The following WASHC5 variants were observed in gnomAD, a reference collection of about 807,000 sequenced individuals.
WASHC5 encodes the protein WASH complex subunit strumpellin.
In WASHC5, 101 loss-of-function variants were observed where a neutral mutation model predicts 150.4. The ratio of observed to expected loss-of-function variants is 0.67; its 90% CI spans 0.57 to 0.79. The LOEUF (loss-of-function observed/expected upper bound fraction) is 0.79. Among genes scored for constraint, WASHC5 ranks in the 30% least tolerant of loss-of-function variants. The pLI, the probability that WASHC5 is intolerant of heterozygous loss-of-function variation, is 0.00. For synonymous variants in WASHC5, 467 were observed against 491.2 expected (o/e 0.95, Z 0.65); for missense variants, 1,195 against 1,396.3 (o/e 0.86, Z 2.30).
chr8:125,054,508 T>C (rs1816344198), intron 17 of WASHC5, among the ~76,000 whole-genome samples: 1 of 152,154 alleles, frequency 6.6e-6, no homozygotes, highest in Admixed American at 6.5e-5. Context: ...GACAGGAGCT[T>C]GCATGCCCCA....
In WASHC5 at chr8:125,056,766, T is replaced by G; in HGVS notation, c.1927A>C (p.Lys643Gln). 5.0e-6 allele frequency: 8 copies of G among 1,614,132 alleles called. No individual in the cohort carries two copies. Among genetic ancestry groups the G allele is most frequent in the Non-Finnish European group, 6.8e-6 (8 of 1,179,992 alleles). The change falls in exon 16 of 29, where the codon AAG (lysine) becomes CAG (glutamine). Residue 643 changes from lysine to glutamine, a missense_variant. Transcript: ENST00000318410. ...TCAATAATGTCGTGGGTCTGAAGCT[T>G]TATGATCTTTAGAAGAGATGTAAAC... ...SMFTSLLKII[K>Q]LQTHDIIEVP...
At chr8:125,033,064 T>C (rs1192581407) in intron 26 of WASHC5, among the ~76,000 whole-genome samples, 1 of 151,736 alleles carries the variant, frequency 6.6e-6, no homozygotes, top group Admixed American at 6.6e-5. Context: ...CCACTGCACC[T>C]GGCTCTACAC....
intron 24 of WASHC5, among the ~76,000 whole-genome samples, chr8:125,039,499 G>T (rs184538335): frequency 4.7e-4 from 72 of 152,166 alleles, no homozygotes; most frequent in Non-Finnish European, 1.9e-4. Flanking sequence ...TCTCTCACTC[G>T]CTCTCTCTAA....
chr8:125,049,679 A>G (rs1464595287), intron 18 of WASHC5, among the ~76,000 whole-genome samples: 14 of 152,098 alleles, frequency 9.2e-5, no homozygotes, highest in Admixed American at 7.2e-4. Context: ...AAACCCCATC[A>G]AAAATACAAA....
At chr8:125,025,198 A>G (rs1483959468) in intron 28 of WASHC5, among the ~76,000 whole-genome samples, 1 of 152,166 alleles carries the variant, frequency 6.6e-6, no homozygotes, top group Non-Finnish European at 1.5e-5. Flanking sequence ...GTTGGGTAGA[A>G]TGTAGAGGTA....
intron 26 of WASHC5, among the ~76,000 whole-genome samples, chr8:125,032,892 G>C (rs1185434424): frequency 6.6e-6 from 1 of 151,762 alleles, no homozygotes; most frequent in African/African-American, 2.4e-5. Context: ...TTTATGAAGT[G>C]AATGAGTATC....
Position 125,044,530 on chromosome 8 carries a change from G to A in WASHC5, c.2667+6C>T, listed in dbSNP as rs779314187. 6.8e-6 allele frequency: 11 copies of A among 1,613,646 alleles called. No homozygotes were observed. In the Middle Eastern group the frequency reaches 8.2e-4, roughly 121 times the overall value. ...AGAAAACAGGCATGAAAGTCAAAAG[G>A]CTCACCTGTAACTCTTTTACAATCA... On this transcript the variant is annotated splice_donor_region_variant and intron_variant, in intron 21 of 28. Coordinates refer to ENST00000318410, the MANE Select transcript of WASHC5 (RefSeq NM_014846.4).
chr8:125,049,303 A>C lies in WASHC5; in HGVS notation c.2200-118T>G. The C allele has an allele frequency of 7.7e-6, 8 of 1,045,688 alleles. 1 individual carries two copies. In the South Asian group the frequency reaches 1.1e-4, roughly 14 times the overall value. The allele number at this position is 1,045,688 out of a possible 1,614,324, so 64.8% of individuals were successfully genotyped here. A position where few individuals can be genotyped will look rare whatever the true frequency, so the allele number is the denominator to read the frequency against. On this transcript the variant is annotated intron_variant, in intron 18 of 28. Coordinates refer to ENST00000318410, the MANE Select transcript of WASHC5 (RefSeq NM_014846.4). The stretch of plus-strand genomic sequence containing the variant: ...GCCAGATGCGGTGGCTCCCACCTGT[A>C]ACCCCAGCACTTTGGGAGGCTTAGG...
At chr8:125,070,648 T>C (rs1337663372) in intron 9 of WASHC5, among the ~76,000 whole-genome samples, 1 of 152,230 alleles carries the variant, frequency 6.6e-6, no homozygotes, top group Non-Finnish European at 1.5e-5. Flanking sequence ...GTCAATGTAG[T>C]AAAATCCTCA....
At chr8:125,074,810 T>C (rs994816070) in intron 8 of WASHC5, among the ~76,000 whole-genome samples, 188 bp downstream of exon 8, 5 of 152,186 alleles carry the variant, frequency 3.3e-5, no homozygotes, top group African/African-American at 1.2e-4. Flanking sequence ...TCAATTTACA[T>C]ATACTATATA....
In WASHC5 at chr8:125,083,246, A is replaced by G. The variant is rs767336696; in HGVS notation, c.199T>C (p.Trp67Arg). 3.7e-6 allele frequency: 6 copies of G among 1,613,248 alleles called. No individual in the cohort carries two copies. The Admixed American group carries it at 8.3e-5, about 22-fold the overall frequency. Reference sequence around the variant, plus strand: ...GGCTTAGCATCCAGTTTGCTTTCCCATAATTCTGGACCCTGAGAAAAAAAA... The same window carrying G: ...GGCTTAGCATCCAGTTTGCTTTCCCGTAATTCTGGACCCTGAGAAAAAAAA... Reference protein sequence around the residue: ...DFSYFKGPELWESKLDAKPEL... With the variant: ...DFSYFKGPELRESKLDAKPEL... Residue 67 changes from tryptophan (W) to arginine (R), a missense_variant, in exon 3 of 29, where the codon TGG becomes CGG. Transcript: ENST00000318410.
chr8:125,026,209 C>T (rs192812292), intron 28 of WASHC5, among the ~76,000 whole-genome samples: 19 of 152,200 alleles, frequency 1.2e-4, no homozygotes, highest in African/African-American at 4.1e-4. Flanking sequence ...CCCTTGAATC[C>T]GAAGGTTTGT....
At chr8:125,033,352 TAAAA>T (rs138226801) in intron 26 of WASHC5, among the ~76,000 whole-genome samples, 1,944 of 152,066 alleles carry the variant, frequency 0.013, 33 homozygotes, top group African/African-American at 0.045. Flanking sequence ...TACCAAATAA[TAAAA>T]AAAGATAAAT....
rs976593989 is a variant in WASHC5, at chr8:125,082,990, T to C, written c.332+123A>G. 54 of 669,392 alleles carry C rather than the reference T, an allele frequency of 8.1e-5. No individual in the cohort carries two copies. Among genetic ancestry groups the C allele is most frequent in the South Asian group, 6.1e-4 (32 of 52,842 alleles). The allele number at this position is 669,392 out of a possible 1,614,324, so 41.5% of individuals were successfully genotyped here. A position where few individuals can be genotyped will look rare whatever the true frequency, so the allele number is the denominator to read the frequency against. On this transcript the variant is annotated intron_variant, in intron 3 of 28. Transcript: ENST00000318410. ...TGCCACAGGTAGGAAAAGACAACTA[T>C]ATACAGTATAAACTAAATTAGGAAA...
In WASHC5 at chr8:125,030,938, G is replaced by A. The variant is rs182189557; in HGVS notation, c.3335+1303C>T. ...AAGACAACAGATGGCATACAAAATC[G>A]GAAGTGATGTTGCAAAGGAGGGAGA... On this transcript the variant is annotated intron_variant, in intron 27 of 28. Transcript: ENST00000318410. Among the ~76,000 whole-genome samples the A allele has an allele frequency of 2.6e-5, 4 of 152,328 alleles. No individual in the cohort carries two copies. In the East Asian group the frequency reaches 7.7e-4, roughly 29 times the overall value.
intron 10 of WASHC5, among the ~76,000 whole-genome samples, chr8:125,064,896 C>G (rs902994580): frequency 6.6e-6 from 1 of 152,032 alleles, no homozygotes; most frequent in East Asian, 1.9e-4. Flanking sequence ...GAATGACTAA[C>G]CAATAAAATG....
intron 25 of WASHC5, among the ~76,000 whole-genome samples, chr8:125,037,957 T>C (rs1815765843): frequency 6.6e-6 from 1 of 152,136 alleles, no homozygotes; most frequent in African/African-American, 2.4e-5. Context: ...AGCACACGGG[T>C]CAGAAGCAGG....
chr8:125,053,191 A>G (rs1801922256), intron 17 of WASHC5, among the ~76,000 whole-genome samples: 1 of 151,834 alleles, frequency 6.6e-6, no homozygotes. Flanking sequence ...AACCAAACTG[A>G]ACCTACACTT....
chr8:125,079,486 C>T (rs1301458224), intron 5 of WASHC5, among the ~76,000 whole-genome samples: 3 of 151,976 alleles, frequency 2.0e-5, no homozygotes, highest in South Asian at 2.1e-4. Flanking sequence ...CCACTGTGCC[C>T]GGCCTCAAAA....
Sources: allele counts gnomAD v4.1 joint callset (sites outside exome capture counted in the v4.1 genomes callset), GRCh38; gene constraint gnomAD v4.1.1; transcripts MANE v1.5; gene names NCBI Gene and HGNC (gene_info 2026-07-23, HGNC 2026-07-21).